The following PRKG2 variants were observed in gnomAD, a reference collection of about 807,000 sequenced individuals.
PRKG2 encodes the protein protein kinase cGMP-dependent 2.
Under a neutral mutation model 97.2 loss-of-function variants are expected in PRKG2, and 33 were observed. The observed-to-expected ratio is 0.34, with a 90% CI of 0.26 to 0.45. The LOEUF is 0.45. Among genes scored for constraint, PRKG2 ranks in the 20% least tolerant of loss-of-function variants. The pLI is 1.00. For synonymous variants in PRKG2, 330 were observed against 321.8 expected (o/e 1.03, Z -0.27); for missense variants, 638 against 900.0 (o/e 0.71, Z 3.73).
intron 6 of PRKG2, among the ~76,000 whole-genome samples, chr4:81,165,240 G>GC (rs745560307): frequency 2.6e-5 from 4 of 152,046 alleles, no homozygotes; most frequent in Non-Finnish European, 4.4e-5. Flanking sequence ...CACAATCAGG[G>GC]CCATTTGTTC....
chr4:81,091,104 C>T (rs996352878), intron 18 of PRKG2, among the ~76,000 whole-genome samples: 2 of 152,016 alleles, frequency 1.3e-5, no homozygotes, highest in African/African-American at 4.8e-5. Flanking sequence ...AAGCATTTTA[C>T]ATTAGGATGA....
At chr4:81,118,089 T>C (rs978750666) in intron 14 of PRKG2, among the ~76,000 whole-genome samples, 3 of 152,234 alleles carry the variant, frequency 2.0e-5, no homozygotes, top group African/African-American at 7.2e-5. Flanking sequence ...GTTGGAATAA[T>C]GAAGTATGTA....
At chr4:81,118,983 G>A (rs1744821272) in intron 14 of PRKG2, among the ~76,000 whole-genome samples, 1 of 152,128 alleles carries the variant, frequency 6.6e-6, no homozygotes, top group Admixed American at 6.5e-5. Flanking sequence ...TTTTTGTAGA[G>A]ATGAGGTTTC....
At chr4:81,195,142 C>T (rs1752877946) in intron 2 of PRKG2, among the ~76,000 whole-genome samples, 1 of 152,162 alleles carries the variant, frequency 6.6e-6, no homozygotes, top group South Asian at 2.1e-4. Context: ...GGAACATGCT[C>T]TACTGAAGGC....
intron 14 of PRKG2, among the ~76,000 whole-genome samples, chr4:81,123,570 A>G (rs1745273553): frequency 6.6e-6 from 1 of 152,024 alleles, no homozygotes. Context: ...ATGCCTGGCT[A>G]ATTTTTTGTA....
chr4:81,149,621 C>T (rs1475355076), intron 8 of PRKG2, among the ~76,000 whole-genome samples: 2 of 152,024 alleles, frequency 1.3e-5, no homozygotes, highest in African/African-American at 4.8e-5. Context: ...AATTTAATTA[C>T]CTAATGAATG....
intron 2 of PRKG2, chr4:81,193,286 C>A (rs2110115228): frequency 6.6e-6 from 1 of 152,212 alleles, no homozygotes; most frequent in East Asian, 1.9e-4. Flanking sequence ...AGCTGGAATG[C>A]CAGGATTTGA....
chr4:81,162,475 G>A (rs1749659117), intron 6 of PRKG2, among the ~76,000 whole-genome samples: 1 of 152,084 alleles, frequency 6.6e-6, no homozygotes, highest in African/African-American at 2.4e-5. Context: ...CACAAACCTG[G>A]AAAACCACAT....
At chr4:81,122,616 T>C (rs1262132519) in intron 14 of PRKG2, among the ~76,000 whole-genome samples, 2 of 152,176 alleles carry the variant, frequency 1.3e-5, no homozygotes, top group African/African-American at 4.8e-5. Context: ...TAGGCCTTTT[T>C]TTTCCTGGGC....
At chr4:81,155,556 T>G (rs1421160526) in intron 6 of PRKG2, among the ~76,000 whole-genome samples, 2 of 151,710 alleles carry the variant, frequency 1.3e-5, no homozygotes, top group Non-Finnish European at 2.9e-5. Context: ...AGGCCAACAT[T>G]CAGATTCAGG....
intron 14 of PRKG2, among the ~76,000 whole-genome samples, chr4:81,131,435 T>C (rs965823140): frequency 5.3e-5 from 8 of 152,202 alleles, no homozygotes; most frequent in African/African-American, 1.7e-4. Flanking sequence ...CCAGCCACCA[T>C]GAAGTGGTTT....
chr4:81,106,390 T>C (rs1010206699), intron 15 of PRKG2, among the ~76,000 whole-genome samples: 17 of 151,982 alleles, frequency 1.1e-4, no homozygotes, highest in African/African-American at 3.6e-4. Context: ...TCCTGCATAG[T>C]GAAGTGGGCA....
chr4:81,091,573 A>G (rs1741539797), intron 18 of PRKG2, among the ~76,000 whole-genome samples: 1 of 152,052 alleles, frequency 6.6e-6, no homozygotes, highest in Non-Finnish European at 1.5e-5. Context: ...GTGAGCCACC[A>G]TGCCTGGCCT....
chr4:81,147,370 T>C (rs1019052306), intron 9 of PRKG2, among the ~76,000 whole-genome samples: 1 of 152,176 alleles, frequency 6.6e-6, no homozygotes, highest in Non-Finnish European at 1.5e-5. Flanking sequence ...CAATGCATTA[T>C]TGATACAATA....
chr4:81,095,771 A>AGAT (rs1222799196), intron 17 of PRKG2, among the ~76,000 whole-genome samples: 1 of 152,232 alleles, frequency 6.6e-6, no homozygotes, highest in African/African-American at 2.4e-5. Flanking sequence ...TCTTGAAAGT[A>AGAT]ATTTCAAAGA....
At chr4:81,118,794 T>C (rs527607473) in intron 14 of PRKG2, among the ~76,000 whole-genome samples, 2 of 152,208 alleles carry the variant, frequency 1.3e-5, no homozygotes, top group East Asian at 3.9e-4. Flanking sequence ...TTTGGTTTGT[T>C]TGTTTGTTTG....
chr4:81,185,443 C>A (rs1751792204), intron 2 of PRKG2, among the ~76,000 whole-genome samples: 1 of 152,086 alleles, frequency 6.6e-6, no homozygotes, highest in African/African-American at 2.4e-5. Context: ...ATTTTGTCAC[C>A]ACCAGGCCTG....
At chr4:81,175,722 C>G (rs1248259432) in intron 2 of PRKG2, 1 of 152,138 alleles carries the variant, frequency 6.6e-6, no homozygotes, top group African/African-American at 2.4e-5. Flanking sequence ...AATCCAAGTT[C>G]TACTTGCTGA....
intron 7 of PRKG2, 82 bp from the exon 8 acceptor site, chr4:81,152,136 C>G (rs188458005): frequency 4.4e-5 from 45 of 1,024,876 alleles, no homozygotes; most frequent in Admixed American, 4.8e-5. Context: ...ACCAAACCCT[C>G]TAGACCTATA....
Sources: allele counts gnomAD v4.1 joint callset (sites outside exome capture counted in the v4.1 genomes callset), GRCh38; gene constraint gnomAD v4.1.1; transcripts MANE v1.5; gene names NCBI Gene and HGNC (gene_info 2026-07-23, HGNC 2026-07-21).